The following ATRNL1 variants were observed in gnomAD, a reference collection of about 807,000 sequenced individuals.
ATRNL1 encodes attractin-like protein 1.
In ATRNL1, 95 loss-of-function variants were observed where a neutral mutation model predicts 182.7. That is an observed-to-expected ratio of 0.52 (90% confidence interval 0.44 to 0.62). ATRNL1 has a LOEUF of 0.62. ATRNL1 is among the 20% of genes least tolerant of loss of function. The pLI is 0.00. For missense variants in ATRNL1, 1,471 were observed against 1,679.5 expected (o/e 0.88, Z 2.17); for synonymous variants, 576 against 568.3 (o/e 1.01, Z -0.19).
intron 13 of ATRNL1, among the ~76,000 whole-genome samples, chr10:115,273,999 A>G (rs2133904396): frequency 6.6e-6 from 1 of 152,312 alleles, no homozygotes. Context: ...TTAAACATTC[A>G]GTTTCTATTA....
chr10:115,357,328 T>C (rs1446371614), intron 19 of ATRNL1, among the ~76,000 whole-genome samples: 1 of 151,922 alleles, frequency 6.6e-6, no homozygotes, highest in African/African-American at 2.4e-5. Context: ...AACATACTTT[T>C]GGTTTTATTC....
At chr10:115,735,612 T>C (rs1555065254) in intron 27 of ATRNL1, among the ~76,000 whole-genome samples, 2 of 152,152 alleles carry the variant, frequency 1.3e-5, no homozygotes, top group Non-Finnish European at 1.5e-5. Flanking sequence ...TCTTGCACTT[T>C]GGGGCCATTA....
At chr10:115,558,072 A>AC (rs547869116) in intron 26 of ATRNL1, among the ~76,000 whole-genome samples, 13 of 151,690 alleles carry the variant, frequency 8.6e-5, no homozygotes, top group Admixed American at 2.6e-4. Flanking sequence ...AAACAAAAAA[A>AC]AAAAACCATT....
At chr10:115,364,785 T>A (rs1447793649) in intron 19 of ATRNL1, among the ~76,000 whole-genome samples, 6 of 151,880 alleles carry the variant, frequency 4.0e-5, no homozygotes, top group Non-Finnish European at 8.8e-5. Flanking sequence ...AATAATGTGG[T>A]TTGTGTCTTT....
At chr10:115,303,742 G>A (rs1301090649) in intron 17 of ATRNL1, among the ~76,000 whole-genome samples, 1 of 152,090 alleles carries the variant, frequency 6.6e-6, no homozygotes, top group Non-Finnish European at 1.5e-5. Flanking sequence ...CAGTAAACAG[G>A]ATTTGAAATG....
At chr10:115,310,860 G>A (rs1365047459) in intron 17 of ATRNL1, among the ~76,000 whole-genome samples, 3 of 152,036 alleles carry the variant, frequency 2.0e-5, no homozygotes, top group Non-Finnish European at 4.4e-5. Flanking sequence ...GCTGGCTTTG[G>A]ATTTGGTTTG....
intron 20 of ATRNL1, among the ~76,000 whole-genome samples, chr10:115,400,742 G>T (rs1435462199): frequency 2.6e-5 from 4 of 151,886 alleles, no homozygotes; most frequent in Admixed American, 6.6e-5. Flanking sequence ...AGTCTGTTTT[G>T]TCAGAAACTA....
At chr10:115,571,983 G>C (rs1209292802) in intron 26 of ATRNL1, among the ~76,000 whole-genome samples, 1 of 151,896 alleles carries the variant, frequency 6.6e-6, no homozygotes, top group Non-Finnish European at 1.5e-5. Context: ...GCCATGTATT[G>C]TATGATGTTT....
chr10:115,118,444 G>T (rs2143602439), intron 1 of ATRNL1, among the ~76,000 whole-genome samples: 1 of 152,228 alleles, frequency 6.6e-6, no homozygotes, highest in South Asian at 2.1e-4. Context: ...TCTGTTAGGA[G>T]ACTTGGCATA....
chr10:115,555,685 G>T (rs535423115), intron 26 of ATRNL1, among the ~76,000 whole-genome samples: 1 of 151,740 alleles, frequency 6.6e-6, no homozygotes, highest in African/African-American at 2.4e-5. Context: ...TTATTAACTG[G>T]AAAATATATG....
chr10:115,342,375 A>G (rs1554938642), intron 19 of ATRNL1, among the ~76,000 whole-genome samples: 1 of 151,576 alleles, frequency 6.6e-6, no homozygotes, highest in Non-Finnish European at 1.5e-5. Context: ...GTTTGAGGTT[A>G]CCATGAATCT....
intron 25 of ATRNL1, among the ~76,000 whole-genome samples, chr10:115,548,034 A>T (rs1389986643): frequency 6.6e-6 from 1 of 152,172 alleles, no homozygotes; most frequent in East Asian, 1.9e-4. Context: ...GCACACTTAG[A>T]GCTGCCAGCA....
chr10:115,379,075 C>CT (rs1394996635), intron 19 of ATRNL1, among the ~76,000 whole-genome samples: 3 of 151,882 alleles, frequency 2.0e-5, no homozygotes, highest in East Asian at 1.9e-4. Context: ...TTTTTTGCAT[C>CT]TTTTTTTATC....
intron 26 of ATRNL1, among the ~76,000 whole-genome samples, chr10:115,696,876 A>AGG (rs1181497169): frequency 2.7e-4 from 40 of 149,438 alleles, no homozygotes; most frequent in African/African-American, 1.0e-3. Flanking sequence ...AGAGCGAGAG[A>AGG]GAGAGAGAGA....
At chr10:115,861,846 G>A (rs988888003) in intron 28 of ATRNL1, among the ~76,000 whole-genome samples, 2 of 152,072 alleles carry the variant, frequency 1.3e-5, no homozygotes, top group Non-Finnish European at 2.9e-5. Context: ...GCTCACACCT[G>A]TAATCTCAGT....
chr10:115,115,862 A>T (rs1309900863), intron 1 of ATRNL1, among the ~76,000 whole-genome samples: 1 of 152,148 alleles, frequency 6.6e-6, no homozygotes, highest in Non-Finnish European at 1.5e-5. Context: ...ATCCCACTAG[A>T]TTTAATTTTA....
At chr10:115,658,869 T>C (rs782234179) in intron 26 of ATRNL1, among the ~76,000 whole-genome samples, 20 of 152,182 alleles carry the variant, frequency 1.3e-4, no homozygotes, top group Non-Finnish European at 2.2e-4. Context: ...AGCATGGCTG[T>C]GGCGGCCTCG....
intron 10 of ATRNL1, among the ~76,000 whole-genome samples, chr10:115,256,189 T>C (rs1851126314): frequency 1.3e-5 from 2 of 152,236 alleles, no homozygotes; most frequent in African/African-American, 4.8e-5. Context: ...TTTCTATTGA[T>C]TGGGATAGTT....
chr10:115,174,264 CTTTCCCCATG>C (rs1564797128), intron 8 of ATRNL1, among the ~76,000 whole-genome samples: 1 of 151,758 alleles, frequency 6.6e-6, no homozygotes. Flanking sequence ...ACTTCATCTA[CTTTCCCCATG>C]TTTTCCTTTT....
Sources: allele counts gnomAD v4.1 joint callset (sites outside exome capture counted in the v4.1 genomes callset), GRCh38; gene constraint gnomAD v4.1.1; transcripts MANE v1.5; gene names NCBI Gene and HGNC (gene_info 2026-07-23, HGNC 2026-07-21).